CR1: variants seen among roughly 807,000 people sequenced by gnomAD.
CR1 encodes complement receptor type 1.
CR1 carries 116 observed loss-of-function variants against 187.3 expected under a neutral mutation model. That is an observed-to-expected ratio of 0.62 (90% CI 0.53 to 0.72). The LOEUF (loss-of-function observed/expected upper bound fraction) is 0.72. CR1 is among the 30% of genes least tolerant of loss of function. The pLI, the probability that CR1 is intolerant of heterozygous loss-of-function variation, is 0.00. For missense variants in CR1, 1,731 were observed against 2,110.7 expected, an observed-to-expected ratio of 0.82 and a Z score of 3.52; for synonymous variants, 576 against 747.1, an observed-to-expected ratio of 0.77 and a Z score of 3.73.
At chr1:207,639,355 C>G in intron 46 of CR1, 42 bp from the exon 47 acceptor site, 1 of 1,578,536 alleles carries the variant, frequency 6.3e-7, no homozygotes, top group Non-Finnish European at 8.6e-7. Context: ...GTTCAGTTGT[C>G]TACCATGCTG....
chr1:207,614,394 T>C lies in CR1; in HGVS notation c.6576-10T>C. On this transcript the variant is annotated splice_polypyrimidine_tract_variant and intron_variant, in intron 39 of 46. Transcript: ENST00000367049. Reference sequence around the variant, plus strand: ...GCTCACACATTTGCTACCACTTTTTTTTTCTTTAGGTTCCGATTAAAAGGC... The same window carrying C: ...GCTCACACATTTGCTACCACTTTTTCTTTCTTTAGGTTCCGATTAAAAGGC... 1 of 1,606,840 alleles carries C rather than the reference T, an allele frequency of 6.2e-7. No homozygotes were observed. Among genetic ancestry groups the C allele is most frequent in the Non-Finnish European group, 8.5e-7 (1 of 1,175,162 alleles).
intron 40 of CR1, among the ~76,000 whole-genome samples, chr1:207,614,740 T>A (rs1055634422): frequency 1.3e-5 from 2 of 152,206 alleles, no homozygotes; most frequent in African/African-American, 4.8e-5. Context: ...AGAAACTAGA[T>A]GACATAAAGG....
chr1:207,524,409 T>G (rs938615575), intron 5 of CR1, among the ~76,000 whole-genome samples: 2 of 152,044 alleles, frequency 1.3e-5, no homozygotes, highest in Admixed American at 6.5e-5. Flanking sequence ...CTTGAGATAC[T>G]GTCTTGATCT....
intron 35 of CR1, among the ~76,000 whole-genome samples, chr1:207,589,497 A>G: frequency 6.6e-6 from 1 of 152,244 alleles, no homozygotes; most frequent in Non-Finnish European, 1.5e-5. Flanking sequence ...ATCCACGAAG[A>G]TGAGGAAAAA....
intron 4 of CR1, among the ~76,000 whole-genome samples, chr1:207,514,892 G>T (rs1377387299): frequency 1.3e-5 from 2 of 149,138 alleles, no homozygotes; most frequent in Non-Finnish European, 3.0e-5. Flanking sequence ...CACCAGAAAA[G>T]GTATGTGGCC....
rs777690036 is a variant in CR1, at chr1:207,611,687, G to A, written c.6306G>A (p.Pro2102=). 1.9e-5 allele frequency: 30 copies of A among 1,613,626 alleles called. No individual in the cohort carries two copies. In the East Asian group the frequency reaches 2.2e-4, roughly 12 times the overall value. The change falls in exon 38 of 47, where the codon CCG becomes CCA. Residue 2102 remains proline, a synonymous_variant. Coordinates refer to ENST00000367049, the MANE Select transcript of CR1 (RefSeq NM_000651.6). The part of the protein sequence containing the change: ...KLPHCSRVCQ[P]PPEILHGEHT... ...CTGTCCTTTCCACAGTGTGTCAGCC[G>A]CCTCCAGAAATCCTGCATGGTGAGC... is the stretch of plus-strand genomic sequence containing the variant.
At chr1:207,602,780 G>C (rs1220762324) in intron 35 of CR1, among the ~76,000 whole-genome samples, 1 of 151,920 alleles carries the variant, frequency 6.6e-6, no homozygotes. Flanking sequence ...TTATTTGAAA[G>C]GTTATTAGAA....
chr1:207,498,179 G>A (rs1395901658), intron 1 of CR1, among the ~76,000 whole-genome samples: 1 of 152,176 alleles, frequency 6.6e-6, no homozygotes, highest in Admixed American at 6.5e-5. Flanking sequence ...ATCAGATGGT[G>A]TAATGCATGT....
rs12567973 is a variant in CR1 at position 207,508,156 on chromosome 1, C to T, written c.401+1343C>T. ...GGGGTTAGGGAAGAAGGGGATGAAT[C>T]GGAAGAGCACAGAGGATTTTGAGGG... On this transcript the variant is annotated intron_variant, in intron 3 of 46. Transcript: ENST00000367049. Among the ~76,000 whole-genome samples, 608 of 152,098 alleles carry T rather than the reference C, an allele frequency of 4.0e-3. 4 individuals carry two copies. The highest frequency in any genetic ancestry group is 0.014 in the African/African-American group (573 of 41,490).
Position 207,591,973 on chromosome 1 carries a change from A to C in CR1, c.5810+3199A>C, listed in dbSNP as rs528110699. 1.7e-4 allele frequency among the ~76,000 whole-genome samples: 26 copies of C among 152,364 alleles called. 1 individual carries two copies. The South Asian group carries it at 5.2e-3, about 30-fold the overall frequency. On this transcript the variant is annotated intron_variant, in intron 35 of 46. Coordinates refer to ENST00000367049, the MANE Select transcript of CR1 (RefSeq NM_000651.6). ...AATTAATAGCCTACCAACCAAAAAA[A>C]GCCCAGGAACAGATGGATTCATAGC...
chr1:207,633,260 C>G (rs1662706487), intron 46 of CR1, among the ~76,000 whole-genome samples: 1 of 151,980 alleles, frequency 6.6e-6, no homozygotes, highest in East Asian at 1.9e-4. Context: ...AAAAAATAAA[C>G]TAATTTATTT....
At chr1:207,633,380 A>G in intron 46 of CR1, among the ~76,000 whole-genome samples, 1 of 152,346 alleles carries the variant, frequency 6.6e-6, no homozygotes, top group East Asian at 1.9e-4. Context: ...GCTTCTTTGC[A>G]TATTGTTAGA....
At chr1:207,515,977 G>A (rs1659797305) in intron 4 of CR1, among the ~76,000 whole-genome samples, 1 of 152,128 alleles carries the variant, frequency 6.6e-6, no homozygotes, top group Non-Finnish European at 1.5e-5. Context: ...CATTTTGGAA[G>A]GCCAAGGCAG....
chr1:207,510,724 CCCTTCCTTCCTTCCTTCCTTCTTT>C (rs1659583454), intron 3 of CR1, among the ~76,000 whole-genome samples: 1 of 89,924 alleles, frequency 1.1e-5, no homozygotes, highest in African/African-American at 4.2e-5. Flanking sequence ...GTTATGTATC[CCCTTCCTTCCTTCCTTCCTTCTTT>C]CCTTCCTTCC....
At chr1:207,504,504 T>TTCAG (rs34563340) in intron 1 of CR1, among the ~76,000 whole-genome samples, 1 of 151,502 alleles carries the variant, frequency 6.6e-6, no homozygotes, top group Admixed American at 6.6e-5. Flanking sequence ...ACACAACTCA[T>TTCAG]TATCTAGTAA....
rs2102330604 is a variant in CR1, at chr1:207,572,624, G to A, written c.4451+2678G>A. On this transcript the variant is annotated intron_variant, in intron 27 of 46. Transcript: ENST00000367049. The stretch of plus-strand genomic sequence containing the variant: ...CATTTGTTGTGATATGTGTTTTATT[G>A]TGGTGGTCTGGAACTGAACCTGCAA... Among the ~76,000 whole-genome samples the A allele has an allele frequency of 2.7e-5, 4 of 150,692 alleles. No individual in the cohort carries two copies. The South Asian group carries it at 8.4e-4, about 32-fold the overall frequency.
At chr1:207,501,221 G>A (rs1254809112) in intron 1 of CR1, among the ~76,000 whole-genome samples, 1 of 152,218 alleles carries the variant, frequency 6.6e-6, no homozygotes, top group Admixed American at 6.5e-5. Context: ...ATTGAAGGTT[G>A]CCTAGAGAAG....
At chr1:207,520,943 T>C (rs1571515252) in intron 4 of CR1, among the ~76,000 whole-genome samples, 1 of 150,830 alleles carries the variant, frequency 6.6e-6, no homozygotes, top group Non-Finnish European at 1.5e-5. Flanking sequence ...ATTGCTTGGG[T>C]TTGCACATTT....
chr1:207,523,304 G>A (rs575696524), intron 4 of CR1, among the ~76,000 whole-genome samples: 24 of 152,190 alleles, frequency 1.6e-4, no homozygotes, highest in Non-Finnish European at 2.8e-4. Context: ...GAAAGCAAAC[G>A]GAAAAGAGTA....
Sources: allele counts gnomAD v4.1 joint callset (sites outside exome capture counted in the v4.1 genomes callset), GRCh38; gene constraint gnomAD v4.1.1; transcripts MANE v1.5; gene names NCBI Gene and HGNC (gene_info 2026-07-23, HGNC 2026-07-21).